GFRA1: variants seen among roughly 807,000 people sequenced by gnomAD.
GFRA1 encodes GDNF family receptor alpha-1.
Under a neutral mutation model 51.6 loss-of-function variants are expected in GFRA1, and 16 were observed. That is an observed-to-expected ratio of 0.31 (90% CI 0.21 to 0.47). The LOEUF (loss-of-function observed/expected upper bound fraction) is 0.47. Among genes scored for constraint, GFRA1 ranks in the 20% least tolerant of loss-of-function variants. The pLI, the probability that GFRA1 is intolerant of heterozygous loss-of-function variation, is 1.00. For synonymous variants in GFRA1, 270 were observed against 241.3 expected (o/e 1.12, Z -1.10); for missense variants, 530 against 594.3 (o/e 0.89, Z 1.13).
chr10:116,087,269 C>T (rs1019186368), intron 9 of GFRA1, among the ~76,000 whole-genome samples: 2 of 304 alleles, frequency 6.6e-3, no homozygotes, highest in African/African-American at 0.029. Flanking sequence ...AGGATTTGGG[C>T]GGGGGGCGGA....
In GFRA1 at chr10:116,125,501, C is replaced by T. The variant is rs1201510371; in HGVS notation, c.490G>A (p.Asp164Asn). 5.0e-6 allele frequency: 8 copies of T among 1,614,042 alleles called. No homozygotes were observed. The highest frequency in any genetic ancestry group is 4.0e-5 in the African/African-American group (3 of 74,940). Residue 164 changes from aspartate (D) to asparagine (N), a missense_variant, in exon 6 of 11, where the codon GAC (aspartate) becomes AAC (asparagine). Physicochemically the swap from Asp to Asn is conservative, Grantham distance 23 (BLOSUM62 1). Coordinates refer to ENST00000355422, the MANE Select transcript of GFRA1 (RefSeq NM_005264.8). ...CLDAAKACNL[D>N]DICKKYRSAY... is the part of the protein sequence containing the mutation. ...GACCTGTACTTCTTGCAAATGTCGT[C>T]GAGGTTGCAGGCCTTCGCTGCATCC...
At chr10:116,138,635 A>ACCCCACC (rs1958432116) in intron 5 of GFRA1, among the ~76,000 whole-genome samples, 1 of 120,252 alleles carries the variant, frequency 8.3e-6, no homozygotes, top group African/African-American at 3.1e-5. Flanking sequence ...GATGGTAGGA[A>ACCCCACC]CCCCCCCCCG....
rs1479525605 is a variant in GFRA1 at position 116,081,941 on chromosome 10, T to G, written c.1197+7800A>C. The stretch of plus-strand genomic sequence containing the variant: ...TGAGTCTCAAAGGCAGTAGTGTGCA[T>G]ATAAATAAGTATAGCTCATAATTGA... On this transcript the variant is annotated intron_variant, in intron 9 of 10. Coordinates refer to ENST00000355422, the MANE Select transcript of GFRA1 (RefSeq NM_005264.8). Among the ~76,000 whole-genome samples the G allele has an allele frequency of 2.0e-5, 3 of 152,232 alleles. No individual in the cohort carries two copies. The South Asian group carries it at 6.2e-4, about 31-fold the overall frequency.
intron 5 of GFRA1, among the ~76,000 whole-genome samples, chr10:116,206,160 T>C (rs1310132106): frequency 6.6e-6 from 1 of 152,164 alleles, no homozygotes. Context: ...TAGTTTGCCA[T>C]CACATAACAA....
At chr10:116,166,862 C>T (rs1011408171) in intron 5 of GFRA1, among the ~76,000 whole-genome samples, 10 of 127,608 alleles carry the variant, frequency 7.8e-5, no homozygotes, top group Admixed American at 3.0e-4. Context: ...TGCAGCGGTG[C>T]GATCTCGGCA....
intron 9 of GFRA1, among the ~76,000 whole-genome samples, chr10:116,070,471 A>G (rs910110903): frequency 2.6e-5 from 4 of 152,152 alleles, no homozygotes; most frequent in Non-Finnish European, 5.9e-5. Flanking sequence ...AAATCTACAT[A>G]TTTTATGTTC....
At chr10:116,222,494 C>T (rs1415641716) in intron 4 of GFRA1, among the ~76,000 whole-genome samples, 1 of 152,140 alleles carries the variant, frequency 6.6e-6, no homozygotes, top group Admixed American at 6.6e-5. Context: ...CCACCGTTCC[C>T]AGTCATGGAT....
intron 9 of GFRA1, among the ~76,000 whole-genome samples, chr10:116,085,695 C>G (rs1480872114): frequency 2.6e-5 from 4 of 152,158 alleles, no homozygotes; most frequent in South Asian, 2.1e-4. Context: ...CTCATCCCCC[C>G]CATCCTCTAG....
rs142742246 is a variant in GFRA1, at chr10:116,224,936, G to A, written c.419-13291C>T. Among the ~76,000 whole-genome samples the A allele has an allele frequency of 2.3e-3, 347 of 152,296 alleles. 3 individuals carry two copies. Among genetic ancestry groups the A allele is most frequent in the African/African-American group, 7.9e-3 (329 of 41,548 alleles). On this transcript the variant is annotated intron_variant, in intron 4 of 10. Transcript: ENST00000355422. ...GTCAATCTCACAAATGCACCCAGCT[G>A]TTTATCCTATGAACACATCTGAAGA...
chr10:116,181,582 T>C (rs564733216), intron 5 of GFRA1, among the ~76,000 whole-genome samples: 1 of 152,316 alleles, frequency 6.6e-6, no homozygotes, highest in African/African-American at 2.4e-5. Flanking sequence ...AAAAACCTTC[T>C]GAAGCAGAGG....
chr10:116,081,779 T>C (rs1229637251), intron 9 of GFRA1, among the ~76,000 whole-genome samples: 1 of 152,252 alleles, frequency 6.6e-6, no homozygotes, highest in Non-Finnish European at 1.5e-5. Context: ...GCTTGGGGAC[T>C]ACTGGTGGTA....
At chr10:116,112,851 G>A (rs905989545) in intron 6 of GFRA1, among the ~76,000 whole-genome samples, 1 of 152,216 alleles carries the variant, frequency 6.6e-6, no homozygotes, top group South Asian at 2.1e-4. Flanking sequence ...ACATCCCACA[G>A]CCTCAGCATC....
At chr10:116,193,128 A>G (rs994456977) in intron 5 of GFRA1, among the ~76,000 whole-genome samples, 7 of 152,302 alleles carry the variant, frequency 4.6e-5, no homozygotes, top group Admixed American at 2.6e-4. Context: ...AATGGAAGCC[A>G]AGGAGCCTCA....
At chr10:116,267,067 G>A (rs1969714346) in intron 4 of GFRA1, among the ~76,000 whole-genome samples, 1 of 152,132 alleles carries the variant, frequency 6.6e-6, no homozygotes, top group Admixed American at 6.5e-5. Context: ...CTTGAGCCCA[G>A]GAGTTTGGGG....
chr10:116,118,549 G>A (rs1490267843), intron 6 of GFRA1, among the ~76,000 whole-genome samples: 1 of 151,814 alleles, frequency 6.6e-6, no homozygotes, highest in African/African-American at 2.4e-5. Context: ...TGTCCACCAA[G>A]GCCTGATCTG....
At chr10:116,162,600 T>C (rs10885868) in intron 5 of GFRA1, among the ~76,000 whole-genome samples, 97,691 of 152,092 alleles carry the variant, frequency 0.64, 31,499 homozygotes, top group African/African-American at 0.7. Flanking sequence ...CACATGCACT[T>C]GGACACTGTA....
At chr10:116,093,665 C>T (rs371794558) in intron 8 of GFRA1, 37 bp downstream of exon 8, 622 of 1,595,344 alleles carry the variant, frequency 3.9e-4, no homozygotes, top group Non-Finnish European at 5.0e-4. Context: ...GAAGAAAATG[C>T]GTTTGCTCCT....
chr10:116,248,968 G>A (rs1350776023), intron 4 of GFRA1, among the ~76,000 whole-genome samples: 1 of 152,114 alleles, frequency 6.6e-6, no homozygotes, highest in African/African-American at 2.4e-5. Flanking sequence ...GCTGCCACAT[G>A]GCCCCACTCC....
intron 7 of GFRA1, among the ~76,000 whole-genome samples, chr10:116,094,769 A>G (rs1318422358): frequency 6.6e-6 from 1 of 152,220 alleles, no homozygotes; most frequent in Admixed American, 6.5e-5. Context: ...CTTTACTGAC[A>G]TGAACTAAAT....
Sources: allele counts gnomAD v4.1 joint callset (sites outside exome capture counted in the v4.1 genomes callset), GRCh38; gene constraint gnomAD v4.1.1; transcripts MANE v1.5; gene names NCBI Gene and HGNC (gene_info 2026-07-23, HGNC 2026-07-21).